Variants in PEX5L observed in about 807,000 individuals in gnomAD.
The protein encoded by PEX5L is peroxisomal biogenesis factor 5 like.
Under a neutral mutation model 84.0 loss-of-function variants are expected in PEX5L, and 30 were observed. The observed-to-expected ratio is 0.36, with a 90% CI of 0.27 to 0.48. The LOEUF (loss-of-function observed/expected upper bound fraction) is 0.48. PEX5L is among the 20% of genes least tolerant of loss of function. The pLI is 0.99. For synonymous variants in PEX5L, 270 were observed against 283.1 expected (o/e 0.95, Z 0.46); for missense variants, 533 against 754.6 (o/e 0.71, Z 3.44).
At chr3:180,008,204 G>A (rs926877564) in intron 1 of PEX5L, among the ~76,000 whole-genome samples, 7 of 152,058 alleles carry the variant, frequency 4.6e-5, no homozygotes, top group Admixed American at 3.9e-4. Context: ...TCTCAAGTTC[G>A]AAATTCCACA....
At chr3:179,968,804 G>A (rs969037744) in intron 2 of PEX5L, among the ~76,000 whole-genome samples, 83 of 151,720 alleles carry the variant, frequency 5.5e-4, no homozygotes, top group Non-Finnish European at 1.0e-4. Flanking sequence ...TCTCTGAAAT[G>A]TTTTTATACA....
intron 8 of PEX5L, among the ~76,000 whole-genome samples, chr3:179,850,251 C>A (rs1452533986): frequency 6.6e-6 from 1 of 151,976 alleles, no homozygotes; most frequent in Non-Finnish European, 1.5e-5. Context: ...CTCAGCCTCC[C>A]AGGTAGCTGG....
At chr3:179,981,001 G>A (rs1553923270) in intron 1 of PEX5L, among the ~76,000 whole-genome samples, 1 of 148,406 alleles carries the variant, frequency 6.7e-6, no homozygotes, top group Non-Finnish European at 1.5e-5. Context: ...TCTAGTCTGG[G>A]TGACAGAATA....
At chr3:180,034,492 T>C (rs1351898849) in intron 1 of PEX5L, among the ~76,000 whole-genome samples, 1 of 152,162 alleles carries the variant, frequency 6.6e-6, no homozygotes, top group East Asian at 1.9e-4. Context: ...AATAATATTC[T>C]TTGGGGGAAG....
chr3:179,969,802 G>A (rs1244958846), intron 2 of PEX5L, among the ~76,000 whole-genome samples: 1 of 152,110 alleles, frequency 6.6e-6, no homozygotes, highest in Middle Eastern at 3.2e-3. Flanking sequence ...TAACTACAGA[G>A]GCAAACAGCG....
intron 7 of PEX5L, among the ~76,000 whole-genome samples, chr3:179,870,209 CA>C (rs2108655276): frequency 6.6e-6 from 1 of 152,320 alleles, no homozygotes; most frequent in East Asian, 1.9e-4. Context: ...ATAGTTCCTA[CA>C]GACAGGATCT....
At chr3:179,974,292 C>T (rs1355844144) in intron 1 of PEX5L, 1 of 602,428 alleles carries the variant, frequency 1.7e-6, no homozygotes, top group Non-Finnish European at 2.1e-6. Flanking sequence ...GAGGAGAAGC[C>T]ACAGGGCAAT....
At chr3:179,989,190 T>C (rs1026443377) in intron 1 of PEX5L, among the ~76,000 whole-genome samples, 2 of 152,330 alleles carry the variant, frequency 1.3e-5, no homozygotes, top group East Asian at 3.9e-4. Context: ...TCTGGCATCT[T>C]ATATGTATTC....
At chr3:180,020,217 C>A (rs1009344225) in intron 1 of PEX5L, among the ~76,000 whole-genome samples, 5 of 151,944 alleles carry the variant, frequency 3.3e-5, no homozygotes, top group Non-Finnish European at 4.4e-5. Context: ...ATATAATGAG[C>A]AAATCATGCA....
chr3:180,034,865 T>C lies in PEX5L; in HGVS notation c.21+1714A>G, dbSNP rs373273067. 3.4e-4 allele frequency among the ~76,000 whole-genome samples: 52 copies of C among 152,278 alleles called. 1 individual carries two copies. In the South Asian group the frequency reaches 4.3e-3, roughly 13 times the overall value. ...AGAATATGCAGAGTCTTATATTTTG[T>C]TTATTCTTTCAAAGTGAAATTAAAC... On this transcript the variant is annotated intron_variant, in intron 1 of 14. Transcript: ENST00000467460.
chr3:179,841,570 C>G (rs1462054148), intron 8 of PEX5L, among the ~76,000 whole-genome samples: 1 of 152,204 alleles, frequency 6.6e-6, no homozygotes, highest in Non-Finnish European at 1.5e-5. Context: ...TTCAACATCT[C>G]TCATGCCTAA....
chr3:179,867,811 A>G (rs1381909664), intron 7 of PEX5L, among the ~76,000 whole-genome samples: 1 of 152,182 alleles, frequency 6.6e-6, no homozygotes, highest in Non-Finnish European at 1.5e-5. Context: ...ATGGCCTGAA[A>G]TCAGATGACA....
intron 14 of PEX5L, among the ~76,000 whole-genome samples, chr3:179,806,601 T>C (rs902049117): frequency 6.6e-6 from 1 of 152,216 alleles, no homozygotes; most frequent in Non-Finnish European, 1.5e-5. Context: ...TGAAATCTAG[T>C]TATACAGTTC....
At chr3:179,833,453 C>T (rs987670751) in intron 8 of PEX5L, among the ~76,000 whole-genome samples, 12 of 152,236 alleles carry the variant, frequency 7.9e-5, no homozygotes, top group Admixed American at 2.6e-4. Context: ...TCAACCCTCT[C>T]TGCCTCTCTA....
intron 2 of PEX5L, among the ~76,000 whole-genome samples, chr3:179,913,716 G>C (rs1765994437): frequency 6.6e-6 from 1 of 151,890 alleles, no homozygotes; most frequent in Non-Finnish European, 1.5e-5. Context: ...TTTGCTACAA[G>C]AATAAAACAA....
chr3:179,969,304 G>A (rs1045333420), intron 2 of PEX5L, among the ~76,000 whole-genome samples: 25 of 152,060 alleles, frequency 1.6e-4, no homozygotes, highest in African/African-American at 5.8e-4. Flanking sequence ...AGAATAAACT[G>A]AAAATAAAGA....
At chr3:179,957,966 C>T (rs1025731521) in intron 2 of PEX5L, among the ~76,000 whole-genome samples, 1 of 152,120 alleles carries the variant, frequency 6.6e-6, no homozygotes, top group Non-Finnish European at 1.5e-5. Flanking sequence ...TTTGATTATG[C>T]ATGTTTATGG....
chr3:179,945,151 C>T (rs947035569), intron 2 of PEX5L, among the ~76,000 whole-genome samples: 1 of 152,096 alleles, frequency 6.6e-6, no homozygotes, highest in Non-Finnish European at 1.5e-5. Context: ...CCAAGTTTAC[C>T]GTGGTCTTCA....
At chr3:179,891,478 C>A (rs529623108) in intron 3 of PEX5L, among the ~76,000 whole-genome samples, 1 of 152,032 alleles carries the variant, frequency 6.6e-6, no homozygotes, top group African/African-American at 2.4e-5. Flanking sequence ...ATGGGAGATA[C>A]GGAAGATGAA....
Sources: gnomAD v4.1 joint callset for allele counts (sites outside exome capture counted in the v4.1 genomes callset) on GRCh38, gnomAD v4.1.1 for gene constraint, MANE v1.5 for transcripts, NCBI Gene and HGNC (gene_info 2026-07-23, HGNC 2026-07-21) for gene names.